The following SBF2 variants were observed in gnomAD, a reference collection of about 807,000 sequenced individuals.
SBF2 encodes SET binding factor 2, also known as myotubularin-related protein 13.
SBF2 carries 112 observed loss-of-function variants against 225.2 expected under a neutral mutation model. That is an observed-to-expected ratio of 0.50 (90% CI 0.43 to 0.58). The LOEUF is 0.58. SBF2 is among the 20% of genes least tolerant of loss of function. The pLI is 0.00. For synonymous variants in SBF2, 763 were observed against 773.3 expected (o/e 0.99, Z 0.22); for missense variants, 1,996 against 2,206.2 (o/e 0.90, Z 1.91).
intron 17 of SBF2, among the ~76,000 whole-genome samples, chr11:9,863,449 C>A (rs371280243): frequency 1.3e-5 from 2 of 152,306 alleles, no homozygotes; most frequent in East Asian, 3.9e-4. Context: ...TAGAGAGATT[C>A]ATTGTCTAAA....
chr11:10,145,983 AAAAG>A (rs1263650880), intron 2 of SBF2, among the ~76,000 whole-genome samples: 2 of 152,186 alleles, frequency 1.3e-5, no homozygotes, highest in South Asian at 2.1e-4. Flanking sequence ...AATTGCCAAA[AAAAG>A]AAAGAGATAC....
chr11:9,807,896 G>A, intron 32 of SBF2, 104 bp downstream of exon 32: 1 of 1,023,016 alleles, frequency 9.8e-7, no homozygotes, highest in Non-Finnish European at 1.5e-6. Context: ...GTTAATCAGA[G>A]TTATGACAGG....
chr11:10,180,899 T>C lies in SBF2; in HGVS notation c.141+13003A>G, dbSNP rs573438369. ...TGGTTTTGAATCCAATAGTAAAATC[T>C]AACTTTTTCATTAGAACACTGTGGC... On this transcript the variant is annotated intron_variant, in intron 2 of 39. Transcript: ENST00000256190. Among the ~76,000 whole-genome samples the C allele has an allele frequency of 4.6e-5, 7 of 152,264 alleles. No individual in the cohort carries two copies. The East Asian group carries it at 1.3e-3, about 29-fold the overall frequency.
chr11:10,250,347 A>C (rs1383710058), intron 1 of SBF2, among the ~76,000 whole-genome samples: 2 of 152,214 alleles, frequency 1.3e-5, no homozygotes, highest in Non-Finnish European at 2.9e-5. Context: ...TGTAAGTCCA[A>C]CGCTAAGCAT....
At chr11:10,103,927 T>A (rs1952430579) in intron 2 of SBF2, among the ~76,000 whole-genome samples, 1 of 151,906 alleles carries the variant, frequency 6.6e-6, no homozygotes, top group South Asian at 2.1e-4. Flanking sequence ...CAAAAAACCT[T>A]TTAAAATTAG....
At chr11:9,811,454 C>T (rs1358463765) in intron 30 of SBF2, 1 of 152,184 alleles carries the variant, frequency 6.6e-6, no homozygotes, top group African/African-American at 2.4e-5. Context: ...GGTCCACTTT[C>T]TAGCAAAGAG....
chr11:10,212,884 A>G (rs1407451158), intron 1 of SBF2, among the ~76,000 whole-genome samples: 1 of 152,148 alleles, frequency 6.6e-6, no homozygotes, highest in African/African-American at 2.4e-5. Flanking sequence ...CCCCGTCTCT[A>G]CTAAAAATAC....
intron 29 of SBF2, 47 bp downstream of exon 29, chr11:9,816,793 C>T: frequency 6.3e-7 from 1 of 1,577,128 alleles, no homozygotes; most frequent in Non-Finnish European, 8.7e-7. Flanking sequence ...TTATCAACAG[C>T]CCTAGCGTAT....
At chr11:10,185,843 CT>C (rs1956915483) in intron 2 of SBF2, among the ~76,000 whole-genome samples, 1 of 151,994 alleles carries the variant, frequency 6.6e-6, no homozygotes, top group Non-Finnish European at 1.5e-5. Context: ...AGTTTCCAAC[CT>C]TTTGCATACA....
chr11:9,823,894 G>A (rs1035259036), intron 28 of SBF2, among the ~76,000 whole-genome samples: 4 of 152,214 alleles, frequency 2.6e-5, no homozygotes, highest in African/African-American at 4.8e-5. Flanking sequence ...GGCTTTAGGA[G>A]TGAAGAGTTA....
rs1437241599 is a variant in SBF2, at chr11:9,798,916, C to G, written c.4444-2959G>C. Among the ~76,000 whole-genome samples, 6 of 147,000 alleles carry G rather than the reference C, an allele frequency of 4.1e-5. No individual in the cohort carries two copies. The East Asian group carries it at 9.9e-4, about 24-fold the overall frequency. The stretch of plus-strand genomic sequence containing the variant: ...GCAGTGAGCCGAGATCGCGCCACCG[C>G]ACTCCAGCCTGGGCAACAGAGCAAG... On this transcript the variant is annotated intron_variant, in intron 32 of 39. Transcript: ENST00000256190.
chr11:9,796,586 T>C (rs749473190), intron 32 of SBF2, among the ~76,000 whole-genome samples: 3 of 152,160 alleles, frequency 2.0e-5, no homozygotes, highest in East Asian at 1.9e-4. Context: ...AAGGAGCCAG[T>C]AGAGAAAACA....
Position 9,887,055 on chromosome 11 carries a change from C to T in SBF2, c.1929+8888G>A, listed in dbSNP as rs78467718. ...TGTACTATATTTCTTTTGGAGTAGA[C>T]AAAGAAATAGTCTTAGTAGGCTGCC... On this transcript the variant is annotated intron_variant, in intron 17 of 39. Transcript: ENST00000256190. Among the ~76,000 whole-genome samples the T allele has an allele frequency of 1.8e-3, 273 of 151,608 alleles. 10 individuals are homozygous for T. The East Asian group carries it at 0.05, about 28-fold the overall frequency.
intron 32 of SBF2, among the ~76,000 whole-genome samples, chr11:9,801,555 C>T (rs143505164): frequency 2.6e-5 from 4 of 152,224 alleles, no homozygotes; most frequent in African/African-American, 9.6e-5. Context: ...ACGTGAAAAC[C>T]TGGATATGGT....
At chr11:9,868,339 A>G (rs1439292019) in intron 17 of SBF2, among the ~76,000 whole-genome samples, 2 of 43,488 alleles carry the variant, frequency 4.6e-5, no homozygotes, top group African/African-American at 9.8e-5. Context: ...CAAAAATACA[A>G]AAAAAAAAAA....
At chr11:9,875,393 A>C (rs1247377652) in intron 17 of SBF2, among the ~76,000 whole-genome samples, 1 of 152,114 alleles carries the variant, frequency 6.6e-6, no homozygotes, top group Non-Finnish European at 1.5e-5. Context: ...CCTACCCACG[A>C]GCTCCTCTTT....
chr11:10,066,096 G>A (rs73410889), intron 2 of SBF2, among the ~76,000 whole-genome samples: 1,623 of 152,004 alleles, frequency 0.011, 31 homozygotes, highest in African/African-American at 0.037. Flanking sequence ...AAACCCTACA[G>A]TTCCAGATGG....
intron 17 of SBF2, among the ~76,000 whole-genome samples, chr11:9,892,434 C>T (rs1173257951): frequency 6.6e-6 from 1 of 152,144 alleles, no homozygotes; most frequent in African/African-American, 2.4e-5. Context: ...GCCCCTGACC[C>T]TCATTCCCAC....
chr11:10,008,745 CT>C (rs1948308772), intron 6 of SBF2, among the ~76,000 whole-genome samples: 1 of 152,206 alleles, frequency 6.6e-6, no homozygotes, highest in Non-Finnish European at 1.5e-5. Context: ...GGAGAGAATC[CT>C]TTGTCTTGAG....
Sources: allele counts gnomAD v4.1 joint callset (sites outside exome capture counted in the v4.1 genomes callset), GRCh38; gene constraint gnomAD v4.1.1; transcripts MANE v1.5; gene names NCBI Gene and HGNC (gene_info 2026-07-23, HGNC 2026-07-21).